Variants in NECAP2 observed in about 807,000 individuals in gnomAD.
NECAP2 encodes the protein NECAP endocytosis associated 2, also known as adaptin ear-binding coat-associated protein 2.
NECAP2 carries 38 observed loss-of-function variants against 37.8 expected under a neutral mutation model. The observed-to-expected ratio is 1.01, with a 90% CI of 0.78 to 1.32. NECAP2 has a LOEUF of 1.32. Ranked by LOEUF, NECAP2 falls within the 40% of genes most tolerant of loss-of-function variation. The pLI is 0.00. For synonymous variants in NECAP2, 121 were observed against 127.7 expected (o/e 0.95, Z 0.35); for missense variants, 316 against 334.5 (o/e 0.94, Z 0.43).
Position 16,447,838 on chromosome 1 carries a change from G to GGCTCAGC in NECAP2, c.194-24_194-18dup, listed in dbSNP as rs1413611607. ...AAACCTTGGCTGGAAGGGGGCTCAG[G>GGCTCAGC]GCTCAGCGCTCAGCCTAACCTGTGC... On this transcript the variant is annotated intron_variant, in intron 2 of 7. Transcript: ENST00000337132. 1.9e-6 allele frequency: 3 copies of GGCTCAGC among 1,584,416 alleles called. No homozygotes were observed. The East Asian group carries it at 6.7e-5, about 35-fold the overall frequency.
chr1:16,446,892 T>G (rs820999), intron 2 of NECAP2, among the ~76,000 whole-genome samples: 72,857 of 151,566 alleles, frequency 0.48, 18,752 homozygotes, highest in South Asian at 0.65. Flanking sequence ...AAACACTGTC[T>G]CTACTAAAAA....
chr1:16,449,164 G>A lies in NECAP2; in HGVS notation c.452G>A (p.Gly151Asp). The A allele has an allele frequency of 6.2e-7, 1 of 1,612,974 alleles. No individual in the cohort carries two copies. Among genetic ancestry groups the A allele is most frequent in the Non-Finnish European group, 8.5e-7 (1 of 1,179,522 alleles). The change falls in exon 5 of 8, where the codon GGC becomes GAC. Residue 151 changes from glycine (G) to aspartate (D), a missense_variant. Gly to Asp is a moderately conservative substitution (Grantham distance 94). Coordinates refer to ENST00000337132, the MANE Select transcript of NECAP2 (RefSeq NM_018090.5). ...GACCAAGGCCCTAAACTGGACCTGG[G>A]CTTCAAGGAGGGCCAGACCATCAAG... ...NPDQGPKLDL[G>D]FKEGQTIKLN...
At chr1:16,446,035 C>G (rs999843624) in intron 2 of NECAP2, among the ~76,000 whole-genome samples, 16 of 152,056 alleles carry the variant, frequency 1.1e-4, no homozygotes, top group Non-Finnish European at 4.4e-5. Flanking sequence ...ACGGAGAAAC[C>G]TTGCCTCTAC....
chr1:16,446,387 C>G (rs2086762833), intron 2 of NECAP2, among the ~76,000 whole-genome samples: 1 of 151,832 alleles, frequency 6.6e-6, no homozygotes, highest in Non-Finnish European at 1.5e-5. Context: ...GGCAACATAT[C>G]AAGACCCTAT....
At chr1:16,455,248 C>T (rs1443948121) in intron 6 of NECAP2, among the ~76,000 whole-genome samples, 4 of 152,224 alleles carry the variant, frequency 2.6e-5, no homozygotes, top group Admixed American at 6.5e-5. Context: ...CCCATGGCGT[C>T]GCCTACCTTG....
chr1:16,448,734 G>A (rs2086799148), intron 4 of NECAP2, among the ~76,000 whole-genome samples: 1 of 152,162 alleles, frequency 6.6e-6, no homozygotes, highest in Admixed American at 6.6e-5. Context: ...AGGGTGTGTA[G>A]AGACCGCATC....
At position 16,440,791 on chromosome 1, in the gene NECAP2, C is replaced by G. The variant is rs34675229; in HGVS notation, c.30C>G (p.Leu10=). ...AGGAGAGCGGGTACGAGTCGGTGCT[C>G]TGTGTCAAGCCTGACGTCCACGTCT... MEESGYESV[L]CVKPDVHVYR... Residue 10 remains leucine (L), a synonymous_variant, in exon 1 of 8, where the codon CTC becomes CTG. Coordinates refer to ENST00000337132, the MANE Select transcript of NECAP2 (RefSeq NM_018090.5). 4,966 of 1,614,140 alleles carry G rather than the reference C, an allele frequency of 3.1e-3. 136 individuals are homozygous for G. In the African/African-American group the frequency reaches 0.058, roughly 19 times the overall value.
intron 5 of NECAP2, chr1:16,451,549 T>G: frequency 1.2e-5 from 5 of 406,364 alleles, no homozygotes; most frequent in East Asian, 4.8e-5. Flanking sequence ...ATAATCTACA[T>G]TTTAGCCATT....
At chr1:16,450,144 G>T (rs911587656) in intron 5 of NECAP2, 1 of 453,392 alleles carries the variant, frequency 2.2e-6, no homozygotes, top group African/African-American at 2.0e-5. Context: ...TGGCCCTTAA[G>T]AGAGAAATGC....
chr1:16,447,230 G>A (rs1159324002), intron 2 of NECAP2, among the ~76,000 whole-genome samples: 2 of 152,164 alleles, frequency 1.3e-5, no homozygotes, highest in African/African-American at 2.4e-5. Context: ...AAAAACTGAT[G>A]CCAGTCATAA....
chr1:16,454,059 TTTA>T (rs2086883749), intron 6 of NECAP2, among the ~76,000 whole-genome samples: 1 of 152,156 alleles, frequency 6.6e-6, no homozygotes, highest in African/African-American at 2.4e-5. Context: ...TTTATTTATT[TTTA>T]TTTTTTATTT....
At chr1:16,448,001 C>G (rs760335126) in intron 3 of NECAP2, 27 bp downstream of exon 3, 1 of 1,613,636 alleles carries the variant, frequency 6.2e-7, no homozygotes, top group African/African-American at 1.3e-5. Context: ...GTGCTTCCTC[C>G]TCTTGGGAAA....
Position 16,440,784 on chromosome 1 carries a change from C to T in NECAP2, c.23C>T (p.Ser8Leu), listed in dbSNP as rs1249723249. The change falls in exon 1 of 8, where the codon TCG (serine) becomes TTG (leucine). Residue 8 changes from serine to leucine, a missense_variant. Ser to Leu is a moderately radical substitution (Grantham distance 145, BLOSUM62 -2). Coordinates refer to ENST00000337132, the MANE Select transcript of NECAP2 (RefSeq NM_018090.5). MEESGYE[S>L]VLCVKPDVHV... ...GCGATGGAGGAGAGCGGGTACGAGT[C>T]GGTGCTCTGTGTCAAGCCTGACGTC... The T allele has an allele frequency of 8.7e-6, 14 of 1,614,048 alleles. No individual in the cohort carries two copies. The East Asian group carries it at 1.1e-4, about 13-fold the overall frequency.
Position 16,451,941 on chromosome 1 carries a change from C to T in NECAP2, c.593C>T (p.Thr198Ile), listed in dbSNP as rs773254354. The change falls in exon 6 of 8, where the codon ACC becomes ATC. Residue 198 changes from threonine (T) to isoleucine (I), a missense_variant. Thr to Ile is a moderately conservative substitution (Grantham distance 89). This residue lies in a region of NECAP2 where 204 missense variants were observed against 188.6 expected (regional missense o/e 1.08). Coordinates refer to ENST00000337132, the MANE Select transcript of NECAP2 (RefSeq NM_018090.5). The stretch of plus-strand genomic sequence containing the variant: ...CCTCCCCCAGGGGGGAAAACCTCCA[C>T]CCTGATCCCTCCCCCTGGGGAGCAG... ...LPPPPGGKTSTLIPPPGEQLA... is the reference protein window; with the variant it reads ...LPPPPGGKTSILIPPPGEQLA... 1.2e-6 allele frequency: 2 copies of T among 1,613,466 alleles called. No individual in the cohort carries two copies. The highest frequency in any genetic ancestry group is 1.7e-6 in the Non-Finnish European group (2 of 1,179,648).
At position 16,447,947 on chromosome 1, in the gene NECAP2, T is replaced by C. The variant is rs2086786973; in HGVS notation, c.271T>C (p.Phe91Leu). ...GAGTGTGACGGATTCCAGCAGGTAC[T>C]TCGTGATCCGCATCGAAGATGGAAA... ...VESVTDSSRY[F>L]VIRIEDGNGR... Residue 91 changes from phenylalanine to leucine, a missense_variant, in exon 3 of 8, where the codon TTC becomes CTC. Phe to Leu is a conservative substitution (Grantham distance 22). This residue lies in a region of NECAP2 where 81 missense variants were observed against 124.2 expected (regional missense o/e 0.65). Coordinates refer to ENST00000337132, the MANE Select transcript of NECAP2 (RefSeq NM_018090.5). The C allele has an allele frequency of 6.2e-7, 1 of 1,614,206 alleles. No homozygotes were observed. Among genetic ancestry groups the C allele is most frequent in the Non-Finnish European group, 8.5e-7 (1 of 1,180,042 alleles).
chr1:16,452,930 C>T (rs1329677647), intron 6 of NECAP2, among the ~76,000 whole-genome samples: 1 of 152,084 alleles, frequency 6.6e-6, no homozygotes, highest in Non-Finnish European at 1.5e-5. Flanking sequence ...ATTGGCTGCC[C>T]TATCTGGAGG....
In NECAP2 at chr1:16,459,129, C is replaced by A; in HGVS notation, c.*239C>A. Reference sequence around the variant, plus strand: ...ACAGGAGAAGAAAAGCTCCAGGATCCCTGTCCCCATCTGTCCTCTTGATGT... The same window carrying A: ...ACAGGAGAAGAAAAGCTCCAGGATCACTGTCCCCATCTGTCCTCTTGATGT... On this transcript the variant is annotated 3_prime_UTR_variant, in exon 8 of 8. Coordinates refer to ENST00000337132, the MANE Select transcript of NECAP2 (RefSeq NM_018090.5). The A allele has an allele frequency of 1.2e-6, 1 of 856,808 alleles. No homozygotes were observed. Among genetic ancestry groups the A allele is most frequent in the Non-Finnish European group, 1.8e-6 (1 of 568,518 alleles). 53.1% of individuals were successfully genotyped at this position (856,808 alleles called of 1,614,324 possible).
At chr1:16,448,716 A>C (rs1250194948) in intron 4 of NECAP2, among the ~76,000 whole-genome samples, 1 of 151,538 alleles carries the variant, frequency 6.6e-6, no homozygotes, top group East Asian at 1.9e-4. Flanking sequence ...CTGCCTTCTG[A>C]GTGTTTGAGG....
intron 4 of NECAP2, among the ~76,000 whole-genome samples, chr1:16,448,562 G>C (rs2086795942): frequency 6.6e-6 from 1 of 152,194 alleles, no homozygotes; most frequent in Admixed American, 6.5e-5. Flanking sequence ...CTCGAACTCA[G>C]GCTGCCAGTG....
Sources: gnomAD v4.1 joint callset for allele counts (sites outside exome capture counted in the v4.1 genomes callset) on GRCh38, gnomAD v4.1.1 for gene constraint, gnomAD v4.1.1 regional missense constraint, MANE v1.5 for transcripts, NCBI Gene and HGNC (gene_info 2026-07-23, HGNC 2026-07-21) for gene names.